Variants in PLEKHD1 observed in about 807,000 individuals in gnomAD.
PLEKHD1 encodes pleckstrin homology domain-containing family D member 1.
A neutral mutation model predicts 69.2 loss-of-function variants in PLEKHD1; 51 were observed. The observed-to-expected ratio is 0.74, with a 90% CI of 0.59 to 0.93. The LOEUF (loss-of-function observed/expected upper bound fraction) is 0.93, where lower values mean the gene tolerates loss of function less well. PLEKHD1 is among the 40% of genes least tolerant of loss of function. The probability of loss-of-function intolerance (pLI) is 0.00; values close to 1 mark genes in which losing one functional copy is unlikely to be tolerated. For synonymous variants in PLEKHD1, 236 were observed against 244.7 expected (o/e 0.96, Z 0.33); for missense variants, 584 against 641.0 (o/e 0.91, Z 0.96).
At chr14:69,469,322 A>G in the PLEKHD1 span, among the ~76,000 whole-genome samples, 1 of 152,334 alleles carries the variant, frequency 6.6e-6, no homozygotes, top group East Asian at 1.9e-4. Flanking sequence ...ACTATGAATA[A>G]GGTCAGGTTG....
chr14:69,521,161 A>G (rs1166217742), intron 6 of PLEKHD1, among the ~76,000 whole-genome samples: 1 of 152,150 alleles, frequency 6.6e-6, no homozygotes, highest in Non-Finnish European at 1.5e-5. Flanking sequence ...TAATAATAAT[A>G]CCAGTGAGCA....
At chr14:69,478,360 G>A in the PLEKHD1 span, among the ~76,000 whole-genome samples, 3 of 152,170 alleles carry the variant, frequency 2.0e-5, no homozygotes, top group African/African-American at 7.2e-5. Context: ...GACATGCCCT[G>A]GAGACATTTT....
At chr14:69,485,839 G>C (rs1882643905) in intron 1 of PLEKHD1, among the ~76,000 whole-genome samples, 1 of 152,234 alleles carries the variant, frequency 6.6e-6, no homozygotes, top group African/African-American at 2.4e-5. Flanking sequence ...GAGAGAGACA[G>C]GGTAGTCCCA....
chr14:69,480,803 C>T (rs1178902724), upstream of PLEKHD1, among the ~76,000 whole-genome samples: 1 of 152,186 alleles, frequency 6.6e-6, no homozygotes, highest in African/African-American at 2.4e-5. Context: ...CAGGCATGCG[C>T]CACTATGCCT....
At chr14:69,497,287 A>AG (rs1882910218) in intron 1 of PLEKHD1, among the ~76,000 whole-genome samples, 1 of 152,260 alleles carries the variant, frequency 6.6e-6, no homozygotes, top group Admixed American at 6.5e-5. Context: ...GGAAAATGTC[A>AG]GGTCTCTCTG....
At chr14:69,515,078 G>A (rs1426173837) in intron 6 of PLEKHD1, among the ~76,000 whole-genome samples, 2 of 152,104 alleles carry the variant, frequency 1.3e-5, no homozygotes, top group Non-Finnish European at 2.9e-5. Flanking sequence ...CATGCCTGTA[G>A]TCCCAGCTAC....
rs191036377 is a variant in PLEKHD1 at position 69,485,701 on chromosome 14, T to A, written c.149+587T>A. On this transcript the variant is annotated intron_variant, in intron 1 of 12. Transcript: ENST00000322564. ...CAACTGTCCCTTGAAATAATTTTTT[T>A]AAAAGTGAGCACAGGGAAGAGAGAT... Among the ~76,000 whole-genome samples the A allele has an allele frequency of 2.0e-3, 304 of 152,250 alleles. 1 individual carries two copies. Among genetic ancestry groups the A allele is most frequent in the African/African-American group, 7.1e-3 (296 of 41,528 alleles).
At chr14:69,493,063 G>A (rs1052573212) in intron 1 of PLEKHD1, among the ~76,000 whole-genome samples, 14 of 152,194 alleles carry the variant, frequency 9.2e-5, no homozygotes, top group African/African-American at 1.9e-4. Flanking sequence ...CACCACACCC[G>A]GCCAATATTA....
chr14:69,469,614 G>C, the PLEKHD1 span, among the ~76,000 whole-genome samples: 1 of 151,624 alleles, frequency 6.6e-6, no homozygotes, highest in Non-Finnish European at 1.5e-5. Context: ...GTCTCACTCT[G>C]TTGCCTAGGC....
intron 12 of PLEKHD1, 124 bp downstream of exon 12, chr14:69,528,056 C>A: frequency 6.8e-7 from 1 of 1,473,158 alleles, no homozygotes; most frequent in Non-Finnish European, 9.1e-7. Context: ...CTGGCCCCAC[C>A]ATCCTTGGGC....
At position 69,525,960 on chromosome 14, in the gene PLEKHD1, A is replaced by C. The variant is rs751186072; in HGVS notation, c.761A>C (p.Lys254Thr). 6.4e-7 allele frequency: 1 copy of C among 1,551,398 alleles called. No individual in the cohort carries two copies. The highest frequency in any genetic ancestry group is 1.2e-5 in the South Asian group (1 of 83,982). Residue 254 changes from lysine to threonine, a missense_variant, in exon 9 of 13, where the codon AAG (lysine) becomes ACG (threonine). Physicochemically the swap from Lys to Thr is moderately conservative, Grantham distance 78 (BLOSUM62 -1). Coordinates refer to ENST00000322564, the MANE Select transcript of PLEKHD1 (RefSeq NM_001161498.2). ...CCATGCCAGGAACTCTCCATAGAGA[A>C]GAAGAAAACCCTGGAAATGCTGGAG... ...QQTLEELSIE[K>T]KKTLEMLEEN...
chr14:69,486,145 A>G (rs993659007), intron 1 of PLEKHD1, among the ~76,000 whole-genome samples: 7 of 152,182 alleles, frequency 4.6e-5, no homozygotes, highest in African/African-American at 1.7e-4. Context: ...AGGGGTATCC[A>G]GATGCCCCTT....
intron 6 of PLEKHD1, among the ~76,000 whole-genome samples, chr14:69,517,064 T>C (rs551632810): frequency 4.0e-5 from 6 of 150,592 alleles, no homozygotes; most frequent in Middle Eastern, 3.4e-3. Context: ...AGGCAAGACC[T>C]AATAGCAGTG....
chr14:69,473,441 GA>G, the PLEKHD1 span, among the ~76,000 whole-genome samples: 1 of 151,958 alleles, frequency 6.6e-6, no homozygotes. Context: ...CTCACTTGGT[GA>G]GGGCTGCTTG....
chr14:69,473,095 G>A, the PLEKHD1 span, among the ~76,000 whole-genome samples: 3 of 152,082 alleles, frequency 2.0e-5, no homozygotes, highest in Admixed American at 2.0e-4. Flanking sequence ...CTACATTATG[G>A]TGAGTTGTAT....
chr14:69,526,244 T>A, intron 9 of PLEKHD1, 122 bp downstream of exon 9: 2 of 1,050,264 alleles, frequency 1.9e-6, no homozygotes, highest in Non-Finnish European at 2.7e-6. Context: ...ACTCACTTCC[T>A]TTTGCCTAGG....
intron 7 of PLEKHD1, among the ~76,000 whole-genome samples, chr14:69,522,683 G>A (rs914508445): frequency 3.3e-5 from 5 of 152,132 alleles, no homozygotes; most frequent in African/African-American, 1.2e-4. Flanking sequence ...CCCAGGGCCA[G>A]ACAGGACACG....
intron 6 of PLEKHD1, chr14:69,503,486 T>A: frequency 1.3e-5 from 2 of 153,694 alleles, no homozygotes; most frequent in Non-Finnish European, 2.9e-5. Context: ...AGGTCGGGAA[T>A]TCAAGACCAG....
intron 6 of PLEKHD1, 174 bp downstream of exon 6, chr14:69,503,053 T>A: frequency 1.4e-6 from 1 of 697,106 alleles, no homozygotes; most frequent in Non-Finnish European, 2.4e-6. Flanking sequence ...CTGTAACTTG[T>A]TGGTAAGAAG....
Sources: gnomAD v4.1 joint callset for allele counts (sites outside exome capture counted in the v4.1 genomes callset) on GRCh38, gnomAD v4.1.1 for gene constraint, MANE v1.5 for transcripts, NCBI Gene and HGNC (gene_info 2026-07-23, HGNC 2026-07-21) for gene names.